Variants in NDST4 observed in about 807,000 individuals in gnomAD.
The protein encoded by NDST4 is N-heparan sulfate sulfotransferase 4.
NDST4 carries 63 observed loss-of-function variants against 100.8 expected under a neutral mutation model. The observed-to-expected ratio is 0.62, with a 90% CI of 0.51 to 0.77. NDST4 has a LOEUF of 0.77. Ranked by LOEUF, NDST4 falls within the 30% of genes least tolerant of loss-of-function variation. NDST4 has a pLI of 0.00. For synonymous variants in NDST4, 377 were observed against 361.8 expected, an observed-to-expected ratio of 1.04 and a Z score of -0.48; for missense variants, 943 against 1,018.4, an observed-to-expected ratio of 0.93 and a Z score of 1.01.
chr4:115,000,247 A>G (rs936775312), intron 2 of NDST4, among the ~76,000 whole-genome samples: 1 of 151,682 alleles, frequency 6.6e-6, no homozygotes, highest in Non-Finnish European at 1.5e-5. Context: ...TGATGAAATG[A>G]GGGTAAAGTT....
At chr4:114,881,383 T>C (rs1560792988) in intron 6 of NDST4, among the ~76,000 whole-genome samples, 1 of 152,084 alleles carries the variant, frequency 6.6e-6, no homozygotes, top group Non-Finnish European at 1.5e-5. Context: ...ATCGAAGGTA[T>C]ACTCAGGTTT....
At chr4:115,046,221 G>T (rs981213169) in intron 2 of NDST4, among the ~76,000 whole-genome samples, 2 of 152,032 alleles carry the variant, frequency 1.3e-5, no homozygotes, top group Non-Finnish European at 2.9e-5. Context: ...TTTTTGCCCT[G>T]CCCCATTCTG....
chr4:114,962,335 T>TAAA (rs1726281544), intron 4 of NDST4, among the ~76,000 whole-genome samples: 1 of 151,720 alleles, frequency 6.6e-6, no homozygotes, highest in Non-Finnish European at 1.5e-5. Flanking sequence ...TAAAATAAAA[T>TAAA]ATAGCCAGAT....
At chr4:114,943,056 T>C (rs1439906806) in intron 4 of NDST4, among the ~76,000 whole-genome samples, 3 of 147,160 alleles carry the variant, frequency 2.0e-5, no homozygotes, top group Non-Finnish European at 3.0e-5. Flanking sequence ...GATATATACA[T>C]ATATTAATTT....
At position 115,113,546 on chromosome 4, in the gene NDST4, A is replaced by G. The variant is rs1729997001; in HGVS notation, c.-349T>C. 6.6e-6 allele frequency: 1 copy of G among 152,004 alleles called. No homozygotes were observed. The highest frequency in any genetic ancestry group is 2.4e-5 in the African/African-American group (1 of 41,430). The allele number at this position is 152,004 out of a possible 1,614,324, so 9.4% of individuals were successfully genotyped here. A position where few individuals can be genotyped will look rare whatever the true frequency, so the allele number is the denominator to read the frequency against. On this transcript the variant is annotated 5_prime_UTR_variant, in exon 1 of 14. Coordinates refer to ENST00000264363, the MANE Select transcript of NDST4 (RefSeq NM_022569.3). ...AGGTTCACTTGGCTCCAGGTTAATT[A>G]GAAGGAGCTTTCAGTTCATGCAATC...
At chr4:114,991,283 G>C (rs1055229004) in intron 2 of NDST4, among the ~76,000 whole-genome samples, 1 of 152,056 alleles carries the variant, frequency 6.6e-6, no homozygotes, top group Admixed American at 6.6e-5. Flanking sequence ...GTCAGCCAAA[G>C]TAATTAAAGA....
chr4:115,072,438 T>C (rs549260460), intron 2 of NDST4, among the ~76,000 whole-genome samples: 3 of 152,066 alleles, frequency 2.0e-5, no homozygotes, highest in Admixed American at 6.6e-5. Context: ...AAGCAAGATA[T>C]ATTACAAAGC....
chr4:114,840,315 A>T (rs1216953112), intron 10 of NDST4, among the ~76,000 whole-genome samples: 1 of 152,194 alleles, frequency 6.6e-6, no homozygotes, highest in East Asian at 1.9e-4. Flanking sequence ...TTAACAGTCA[A>T]TACAATTTAA....
At chr4:114,974,553 T>C (rs186905166) in intron 3 of NDST4, among the ~76,000 whole-genome samples, 2 of 152,262 alleles carry the variant, frequency 1.3e-5, no homozygotes, top group Admixed American at 1.3e-4. Context: ...AGAAGGCATC[T>C]GAATACTATA....
chr4:114,955,429 C>T (rs1726115735), intron 4 of NDST4, among the ~76,000 whole-genome samples: 2 of 152,108 alleles, frequency 1.3e-5, no homozygotes, highest in Admixed American at 6.5e-5. Context: ...TTGCTAGGGG[C>T]TTGTGGGCTA....
chr4:115,104,171 T>C (rs905947652), intron 1 of NDST4, among the ~76,000 whole-genome samples: 21 of 152,156 alleles, frequency 1.4e-4, no homozygotes, highest in African/African-American at 5.1e-4. Flanking sequence ...ATGAGATCAA[T>C]TTAAAATTTA....
chr4:115,015,625 C>G lies in NDST4; in HGVS notation c.979-38351G>C, dbSNP rs558686037. ...TGAACATATTTGTATTCCATATGAA[C>G]GTTCACTAAAGGGTGACCTCAGCAG... is the stretch of plus-strand genomic sequence containing the variant. On this transcript the variant is annotated intron_variant, in intron 2 of 13. Coordinates refer to ENST00000264363, the MANE Select transcript of NDST4 (RefSeq NM_022569.3). 4.6e-5 allele frequency among the ~76,000 whole-genome samples: 7 copies of G among 152,108 alleles called. No individual in the cohort carries two copies. In the East Asian group the frequency reaches 1.4e-3, roughly 29 times the overall value.
intron 2 of NDST4, among the ~76,000 whole-genome samples, chr4:115,005,433 T>C (rs1424425891): frequency 1.3e-5 from 2 of 152,112 alleles, no homozygotes; most frequent in African/African-American, 2.4e-5. Flanking sequence ...GCCATAGGCA[T>C]ATATGGCAGA....
chr4:115,040,830 C>T (rs1313868705), intron 2 of NDST4, among the ~76,000 whole-genome samples: 1 of 151,750 alleles, frequency 6.6e-6, no homozygotes, highest in Non-Finnish European at 1.5e-5. Flanking sequence ...ACAACGTCTG[C>T]AATAGGTTTA....
rs542835240 is a variant in NDST4, at chr4:115,041,416, C to T, written c.978+34643G>A. ...TTATTTATAAAGTGCCTCAGCCTTC[C>T]AGAAAAATGTTCCCAGTTCATTGAT... On this transcript the variant is annotated intron_variant, in intron 2 of 13. Coordinates refer to ENST00000264363, the MANE Select transcript of NDST4 (RefSeq NM_022569.3). Among the ~76,000 whole-genome samples the T allele has an allele frequency of 4.6e-5, 7 of 151,876 alleles. No individual in the cohort carries two copies. The South Asian group carries it at 8.3e-4, about 18-fold the overall frequency.
intron 7 of NDST4, among the ~76,000 whole-genome samples, chr4:114,869,563 C>G (rs1445924626): frequency 1.3e-5 from 2 of 152,082 alleles, no homozygotes; most frequent in Non-Finnish European, 2.9e-5. Flanking sequence ...ATGCTTCTAT[C>G]TATTTACCTG....
intron 3 of NDST4, 29 bp from the exon 4 acceptor site, chr4:114,970,613 T>C (rs1301868823): frequency 1.3e-6 from 2 of 1,581,580 alleles, no homozygotes; most frequent in Non-Finnish European, 1.7e-6. Context: ...AAAATAACTT[T>C]AGTGAAAATT....
chr4:115,059,065 A>C (rs1386203549), intron 2 of NDST4, among the ~76,000 whole-genome samples: 1 of 152,026 alleles, frequency 6.6e-6, no homozygotes, highest in East Asian at 1.9e-4. Flanking sequence ...ATTATCACAT[A>C]GCACTGAACA....
At chr4:115,004,977 A>T (rs969604965) in intron 2 of NDST4, among the ~76,000 whole-genome samples, 14 of 152,184 alleles carry the variant, frequency 9.2e-5, no homozygotes, top group Non-Finnish European at 1.8e-4. Context: ...TAATTTTAAC[A>T]AGAACTGGAT....
Sources: gnomAD v4.1 joint callset for allele counts (sites outside exome capture counted in the v4.1 genomes callset) on GRCh38, gnomAD v4.1.1 for gene constraint, MANE v1.5 for transcripts, NCBI Gene and HGNC (gene_info 2026-07-23, HGNC 2026-07-21) for gene names.